Variants in TNFAIP8 observed in about 807,000 individuals in gnomAD.
TNFAIP8 encodes the protein tumor necrosis factor alpha-induced protein 8.
In TNFAIP8, 7 loss-of-function variants were observed where a neutral mutation model predicts 13.3. The ratio of observed to expected loss-of-function variants is 0.52; its 90% CI spans 0.30 to 0.99. TNFAIP8 has a LOEUF of 0.99. TNFAIP8 is among the 50% of genes least tolerant of loss of function. The probability of loss-of-function intolerance (pLI) is 0.07; values close to 1 mark genes in which losing one functional copy is unlikely to be tolerated. For missense variants in TNFAIP8, 258 were observed against 236.9 expected, an observed-to-expected ratio of 1.09 and a Z score of -0.58; for synonymous variants, 94 against 87.6, an observed-to-expected ratio of 1.07 and a Z score of -0.41.
chr5:119,327,344 A>G (rs1288542649), intron 1 of TNFAIP8, among the ~76,000 whole-genome samples: 2 of 152,222 alleles, frequency 1.3e-5, no homozygotes. Context: ...TTCCCCACAA[A>G]CATTCAAAAA....
intron 1 of TNFAIP8, among the ~76,000 whole-genome samples, chr5:119,324,807 T>C (rs997391958): frequency 1.3e-5 from 2 of 152,162 alleles, no homozygotes; most frequent in South Asian, 2.1e-4. Context: ...TTCCAGGCGC[T>C]TTTCTGTGTG....
At chr5:119,334,150 A>AC (rs1044819267) in intron 1 of TNFAIP8, among the ~76,000 whole-genome samples, 1 of 150,992 alleles carries the variant, frequency 6.6e-6, no homozygotes, top group Non-Finnish European at 1.5e-5. Context: ...AAAAAAAAAA[A>AC]AAAACGGTTT....
chr5:119,292,483 G>A (rs1324880578), intron 1 of TNFAIP8, among the ~76,000 whole-genome samples: 1 of 150,728 alleles, frequency 6.6e-6, no homozygotes, highest in Admixed American at 6.6e-5. Flanking sequence ...GTAAAAGACA[G>A]TACAAAACCC....
intron 1 of TNFAIP8, among the ~76,000 whole-genome samples, chr5:119,373,042 A>G (rs1053320478): frequency 6.6e-6 from 1 of 152,172 alleles, no homozygotes; most frequent in Non-Finnish European, 1.5e-5. Context: ...TATCTCTACC[A>G]TGCTGACCTT....
intron 1 of TNFAIP8, among the ~76,000 whole-genome samples, chr5:119,344,314 C>A (rs2112737661): frequency 6.6e-6 from 1 of 152,218 alleles, no homozygotes; most frequent in Non-Finnish European, 1.5e-5. Flanking sequence ...TTTTAAAGAA[C>A]CAGCTCTCGC....
intron 1 of TNFAIP8, among the ~76,000 whole-genome samples, chr5:119,308,199 CG>C (rs1749622631): frequency 6.6e-6 from 1 of 152,080 alleles, no homozygotes; most frequent in Non-Finnish European, 1.5e-5. Context: ...GAACTGATAG[CG>C]TTCTTGCAAA....
At chr5:119,333,258 A>G in intron 1 of TNFAIP8, 1 of 1,060,332 alleles carries the variant, frequency 9.4e-7, no homozygotes, top group Non-Finnish European at 1.1e-6. Flanking sequence ...AAGTGCAGGC[A>G]GCAACCAGTC....
chr5:119,285,684 T>C (rs1243798983), intron 1 of TNFAIP8, among the ~76,000 whole-genome samples: 2 of 152,222 alleles, frequency 1.3e-5, no homozygotes, highest in Non-Finnish European at 2.9e-5. Context: ...TCCAAGAAGC[T>C]GATACAAGTG....
At position 119,356,245 on chromosome 5, in the gene TNFAIP8, C is replaced by T. The variant is rs553395170; in HGVS notation, c.31+124C>T. ...GGCACTTTGTCCGCTTGCCCTGCGC[C>T]TTCGAAGCCAAGTCGGAGCTGGATA... On this transcript the variant is annotated intron_variant, in intron 1 of 1. Coordinates refer to ENST00000504771, the MANE Select transcript of TNFAIP8 (RefSeq NM_014350.4). 221 of 839,988 alleles carry T rather than the reference C, an allele frequency of 2.6e-4. 3 individuals carry two copies. The South Asian group carries it at 3.4e-3, about 13-fold the overall frequency. 52.0% of individuals were successfully genotyped at this position (839,988 alleles called of 1,614,324 possible).
Position 119,299,864 on chromosome 5 carries a change from T to G in TNFAIP8, c.1+30957T>G, listed in dbSNP as rs113835541. Among the ~76,000 whole-genome samples the G allele has an allele frequency of 3.6e-3, 548 of 152,336 alleles. 3 individuals are homozygous for G. The highest frequency in any genetic ancestry group is 0.013 in the African/African-American group (536 of 41,586). ...GCTGCCTTGCAGTTTGATCTCAGAC[T>G]GCTGTGCTAGCAATCAGCAAGACTC... On this transcript the variant is annotated intron_variant, in intron 1 of 1. Transcript: ENST00000274456.
intron 1 of TNFAIP8, among the ~76,000 whole-genome samples, chr5:119,335,796 G>C (rs1750532304): frequency 6.6e-6 from 1 of 151,822 alleles, no homozygotes; most frequent in South Asian, 2.1e-4. Context: ...AAATAAATAA[G>C]TAAAATATAT....
At chr5:119,355,131 G>C, upstream of TNFAIP8, 1 of 583,800 alleles carries the variant, frequency 1.7e-6, no homozygotes, top group South Asian at 1.9e-5. Flanking sequence ...AGACCCGGGG[G>C]CAGAATTGAG....
chr5:119,281,010 A>C (rs1748609938), intron 1 of TNFAIP8, among the ~76,000 whole-genome samples: 1 of 151,978 alleles, frequency 6.6e-6, no homozygotes, highest in African/African-American at 2.4e-5. Flanking sequence ...CCCATCTTTG[A>C]CCAATGGGAG....
chr5:119,300,856 A>G lies in TNFAIP8; in HGVS notation c.1+31949A>G, dbSNP rs538224180. Among the ~76,000 whole-genome samples, 73 of 152,276 alleles carry G rather than the reference A, an allele frequency of 4.8e-4. 1 individual carries two copies. The highest frequency in any genetic ancestry group is 7.5e-4 in the Non-Finnish European group (51 of 68,010). ...GTGTTATGCTTTCTTTATGGAATCT[A>G]TGTGAGGTAGGTGAGAAAGAGGAGG... On this transcript the variant is annotated intron_variant, in intron 1 of 1. Transcript: ENST00000274456.
chr5:119,270,022 T>C (rs1409533854), intron 1 of TNFAIP8, among the ~76,000 whole-genome samples: 4 of 152,262 alleles, frequency 2.6e-5, no homozygotes, highest in African/African-American at 9.6e-5. Flanking sequence ...TAAAATATTC[T>C]CCTACTTCCT....
At chr5:119,366,215 T>C (rs1043982747) in intron 1 of TNFAIP8, among the ~76,000 whole-genome samples, 2 of 152,064 alleles carry the variant, frequency 1.3e-5, no homozygotes, top group Non-Finnish European at 2.9e-5. Flanking sequence ...CAAGAGACCA[T>C]TGTAACTGGG....
At chr5:119,355,841 C>T (rs1581637541), upstream of TNFAIP8, 2 of 1,065,560 alleles carry the variant, frequency 1.9e-6, no homozygotes, top group Non-Finnish European at 2.3e-6. Flanking sequence ...GCCCGGCTGC[C>T]GGCCCGAGCG....
chr5:119,314,999 A>T (rs1056605054), intron 1 of TNFAIP8, among the ~76,000 whole-genome samples: 4 of 152,164 alleles, frequency 2.6e-5, no homozygotes, highest in Non-Finnish European at 5.9e-5. Context: ...CTGCTGCTTC[A>T]GCCTCCCCAG....
chr5:119,327,861 A>G (rs1005892202), intron 1 of TNFAIP8, among the ~76,000 whole-genome samples: 6 of 152,224 alleles, frequency 3.9e-5, no homozygotes, highest in African/African-American at 1.4e-4. Flanking sequence ...TACTATTTCA[A>G]GGTCATATAG....
Sources: gnomAD v4.1 joint callset for allele counts (sites outside exome capture counted in the v4.1 genomes callset) on GRCh38, gnomAD v4.1.1 for gene constraint, MANE v1.5 for transcripts, NCBI Gene and HGNC (gene_info 2026-07-23, HGNC 2026-07-21) for gene names.